The following IL34 variants were observed in gnomAD, a reference collection of about 807,000 sequenced individuals.
IL34 encodes the protein interleukin-34.
Under a neutral mutation model 25.3 loss-of-function variants are expected in IL34, and 17 were observed. The ratio of observed to expected loss-of-function variants is 0.67; its 90% CI spans 0.46 to 1.01. The LOEUF (loss-of-function observed/expected upper bound fraction) is 1.01, where lower values mean the gene tolerates loss of function less well. Ranked by LOEUF, IL34 falls within the 50% of genes least tolerant of loss-of-function variation. The pLI is 0.00. For synonymous variants in IL34, 174 were observed against 140.9 expected, an observed-to-expected ratio of 1.23 and a Z score of -1.66; for missense variants, 368 against 312.9, an observed-to-expected ratio of 1.18 and a Z score of -1.33.
At chr16:70,624,815 C>G (rs1018109866) in intron 1 of IL34, among the ~76,000 whole-genome samples, 2 of 151,746 alleles carry the variant, frequency 1.3e-5, no homozygotes, top group Non-Finnish European at 2.9e-5. Context: ...GAATTGGGAC[C>G]TAGCTTGGCC....
rs577386347 is a variant in IL34 at position 70,657,310 on chromosome 16, T to G, written c.402+189T>G. On this transcript the variant is annotated intron_variant, in intron 4 of 5. Transcript: ENST00000288098. ...GGCCTGTGGAAGGAAGAGGCAGCCG[T>G]GGTGGTCATGAGAGCCGGGCTCGGG... 211 of 611,812 alleles carry G rather than the reference T, an allele frequency of 3.4e-4. 3 individuals carry two copies. The South Asian group carries it at 4.1e-3, about 12-fold the overall frequency. The allele number at this position is 611,812 out of a possible 1,614,324, so 37.9% of individuals were successfully genotyped here. A position where few individuals can be genotyped will look rare whatever the true frequency, so the allele number is the denominator to read the frequency against.
At chr16:70,659,587 C>A in intron 4 of IL34, 31 bp from the exon 5 acceptor site, 1 of 1,581,762 alleles carries the variant, frequency 6.3e-7, no homozygotes, top group African/African-American at 1.3e-5. Flanking sequence ...CCCCATCTCG[C>A]CACCGCTCCT....
chr16:70,609,236 G>A (rs1035523255), intron 1 of IL34, among the ~76,000 whole-genome samples: 2 of 151,962 alleles, frequency 1.3e-5, no homozygotes, highest in African/African-American at 2.4e-5. Context: ...GTGCCACCAC[G>A]CCCACCTAAT....
chr16:70,654,808 C>T (rs1460298583), intron 2 of IL34, 137 bp downstream of exon 2: 1 of 1,127,490 alleles, frequency 8.9e-7, no homozygotes, highest in South Asian at 1.9e-5. Context: ...CTGCCTTTCT[C>T]CGAAACCTAC....
intron 1 of IL34, among the ~76,000 whole-genome samples, chr16:70,626,805 T>C (rs1270538058): frequency 2.0e-5 from 3 of 152,230 alleles, no homozygotes; most frequent in South Asian, 2.1e-4. Context: ...TTTTATTTTT[T>C]CTTCCAGATG....
intron 1 of IL34, among the ~76,000 whole-genome samples, chr16:70,621,816 C>A (rs1019111511): frequency 2.0e-5 from 3 of 151,842 alleles, no homozygotes; most frequent in Admixed American, 6.6e-5. Flanking sequence ...GTGGGGGTCG[C>A]AAGGTGCTCA....
Position 70,657,177 on chromosome 16 carries a change from A to C in IL34, c.402+56A>C, listed in dbSNP as rs906236864. On this transcript the variant is annotated intron_variant, in intron 4 of 5. Transcript: ENST00000288098. ...TGTGTGTGTGTGCACACGTGTGTAC[A>C]TGTGTGTGAGGTGTGGCCAAAGGCT... The C allele has an allele frequency of 2.5e-6, 4 of 1,570,138 alleles. No homozygotes were observed. The Admixed American group carries it at 5.2e-5, about 20-fold the overall frequency.
chr16:70,588,586 A>G (rs910795511), intron 1 of IL34, among the ~76,000 whole-genome samples: 2 of 152,208 alleles, frequency 1.3e-5, no homozygotes, highest in Non-Finnish European at 2.9e-5. Flanking sequence ...GCAGAGTCTC[A>G]AAGAGATATT....
In IL34 at chr16:70,660,265, GGGT is replaced by G; in HGVS notation, c.*87_*89del. The G allele has an allele frequency of 7.5e-7, 1 of 1,335,278 alleles. No individual in the cohort carries two copies. The allele number at this position is 1,335,278 out of a possible 1,614,324, so 82.7% of individuals were successfully genotyped here. ...GTTCAACTGGGTCTGAGACTTCAAG[GGGT>G]GGTGGTGGGAGCCCCCCTTGGGAGA... On this transcript the variant is annotated 3_prime_UTR_variant, in exon 6 of 6. Coordinates refer to ENST00000288098, the MANE Select transcript of IL34 (RefSeq NM_001393494.1).
chr16:70,655,769 C>T (rs758625784), intron 2 of IL34, among the ~76,000 whole-genome samples: 8 of 151,800 alleles, frequency 5.3e-5, no homozygotes, highest in Admixed American at 2.0e-4. Flanking sequence ...AGTGTAGTGG[C>T]GGGATCATAG....
chr16:70,645,067 G>A (rs1425261424), upstream of IL34, among the ~76,000 whole-genome samples: 1 of 146,018 alleles, frequency 6.8e-6, no homozygotes, highest in African/African-American at 2.5e-5. Context: ...GAGAAGGAAG[G>A]AGAAAGGAAG....
chr16:70,625,236 G>T (rs948269831), intron 1 of IL34, among the ~76,000 whole-genome samples: 1 of 151,868 alleles, frequency 6.6e-6, no homozygotes, highest in African/African-American at 2.4e-5. Flanking sequence ...GATGGTGGAA[G>T]GTTGCCCATA....
intron 1 of IL34, among the ~76,000 whole-genome samples, chr16:70,622,154 G>T (rs1352887730): frequency 1.3e-5 from 2 of 151,990 alleles, no homozygotes; most frequent in African/African-American, 4.8e-5. Flanking sequence ...AGGGGGGAAG[G>T]CTAAACTGAG....
At chr16:70,644,498 C>G (rs968745465), upstream of IL34, among the ~76,000 whole-genome samples, 1 of 151,874 alleles carries the variant, frequency 6.6e-6, no homozygotes, top group Non-Finnish European at 1.5e-5. Flanking sequence ...TGTTTTGTAT[C>G]TTGATTATTA....
intron 1 of IL34, among the ~76,000 whole-genome samples, chr16:70,627,901 G>GT (rs1158115816): frequency 6.6e-6 from 1 of 152,164 alleles, no homozygotes; most frequent in Admixed American, 6.5e-5. Context: ...CATGAATATT[G>GT]TAACACATGG....
chr16:70,583,046 T>C (rs1211869034), intron 1 of IL34, among the ~76,000 whole-genome samples: 1 of 152,070 alleles, frequency 6.6e-6, no homozygotes, highest in South Asian at 2.1e-4. Flanking sequence ...AGGGATACGA[T>C]TTTGAAGAAC....
At chr16:70,629,695 AT>A (rs573603186) in intron 1 of IL34, among the ~76,000 whole-genome samples, 4 of 151,160 alleles carry the variant, frequency 2.6e-5, no homozygotes, top group Admixed American at 6.6e-5. Flanking sequence ...ACCTCACTAC[AT>A]TTTTTTCTTT....
intron 1 of IL34, among the ~76,000 whole-genome samples, chr16:70,628,893 T>A (rs1490199848): frequency 6.6e-6 from 1 of 151,216 alleles, no homozygotes; most frequent in African/African-American, 2.4e-5. Flanking sequence ...GTTCAAATGA[T>A]CCTTCCACCT....
intron 1 of IL34, among the ~76,000 whole-genome samples, chr16:70,615,460 TTG>T (rs2051159410): frequency 6.6e-6 from 1 of 151,990 alleles, no homozygotes; most frequent in Admixed American, 6.6e-5. Context: ...TAAGCCGAGA[TTG>T]CGCCACTGCA....
Sources: allele counts gnomAD v4.1 joint callset (sites outside exome capture counted in the v4.1 genomes callset), GRCh38; gene constraint gnomAD v4.1.1; transcripts MANE v1.5; gene names NCBI Gene and HGNC (gene_info 2026-07-23, HGNC 2026-07-21).